PTPRT: variants seen among roughly 807,000 people sequenced by gnomAD.
PTPRT encodes the protein receptor-type tyrosine-protein phosphatase T.
Under a neutral mutation model 176.8 loss-of-function variants are expected in PTPRT, and 56 were observed. The ratio of observed to expected loss-of-function variants is 0.32; its 90% CI spans 0.26 to 0.40. The LOEUF is 0.40. Ranked by LOEUF, PTPRT falls within the 10% of genes least tolerant of loss-of-function variation. The pLI is 1.00. For missense variants in PTPRT, 1,540 were observed against 1,908.2 expected (o/e 0.81, Z 3.60); for synonymous variants, 783 against 739.0 (o/e 1.06, Z -0.96).
At chr20:42,268,787 G>A (rs1457727278) in intron 13 of PTPRT, among the ~76,000 whole-genome samples, 1 of 152,208 alleles carries the variant, frequency 6.6e-6, no homozygotes, top group Non-Finnish European at 1.5e-5. Flanking sequence ...AGGTGTCCAT[G>A]GCAGTACAAA....
intron 7 of PTPRT, among the ~76,000 whole-genome samples, chr20:42,583,722 A>ATTCTATT (rs1210273393): frequency 1.3e-5 from 2 of 152,230 alleles, no homozygotes; most frequent in African/African-American, 4.8e-5. Flanking sequence ...ATATTCTATT[A>ATTCTATT]TGTAAATGTA....
At chr20:42,551,070 A>G (rs1286839022) in intron 7 of PTPRT, among the ~76,000 whole-genome samples, 1 of 152,136 alleles carries the variant, frequency 6.6e-6, no homozygotes, top group African/African-American at 2.4e-5. Context: ...TTCTTCATGC[A>G]TTGTTTTTCA....
At chr20:42,089,253 A>G (rs1984358635) in intron 27 of PTPRT, among the ~76,000 whole-genome samples, 1 of 152,110 alleles carries the variant, frequency 6.6e-6, no homozygotes, top group Non-Finnish European at 1.5e-5. Context: ...CCGCCTTGCA[A>G]CCTTCACAGT....
intron 7 of PTPRT, among the ~76,000 whole-genome samples, chr20:42,620,109 A>G (rs1021807368): frequency 6.8e-6 from 1 of 146,082 alleles, no homozygotes; most frequent in Non-Finnish European, 1.5e-5. Flanking sequence ...TGATGTACAG[A>G]TGGGTTTTCG....
intron 2 of PTPRT, among the ~76,000 whole-genome samples, chr20:42,806,419 G>A (rs138980172): frequency 1.5e-4 from 22 of 151,552 alleles, no homozygotes; most frequent in Admixed American, 4.6e-4. Context: ...AGGAGGCGGA[G>A]GTTGCAGTGA....
chr20:42,183,863 C>A (rs1339863626), intron 16 of PTPRT, among the ~76,000 whole-genome samples: 1 of 152,156 alleles, frequency 6.6e-6, no homozygotes, highest in Non-Finnish European at 1.5e-5. Flanking sequence ...TTTCTCCTGG[C>A]TTTCTCAAAC....
At chr20:42,768,511 T>C (rs1049701096) in intron 5 of PTPRT, among the ~76,000 whole-genome samples, 1 of 152,260 alleles carries the variant, frequency 6.6e-6, no homozygotes, top group Non-Finnish European at 1.5e-5. Context: ...AGAATTTTCC[T>C]GAGCAATTGG....
chr20:42,083,773 C>A (rs757184313), intron 29 of PTPRT, among the ~76,000 whole-genome samples: 1 of 152,136 alleles, frequency 6.6e-6, no homozygotes, highest in Non-Finnish European at 1.5e-5. Context: ...AAGAGAGAGG[C>A]CTTCTCAATG....
intron 7 of PTPRT, among the ~76,000 whole-genome samples, chr20:42,651,093 T>C (rs946368041): frequency 9.2e-5 from 14 of 152,202 alleles, no homozygotes; most frequent in African/African-American, 3.4e-4. Flanking sequence ...TATATCTGAA[T>C]GGTGTCAGAT....
At chr20:42,399,188 C>T (rs1242634975) in intron 9 of PTPRT, among the ~76,000 whole-genome samples, 4 of 152,204 alleles carry the variant, frequency 2.6e-5, no homozygotes, top group East Asian at 1.9e-4. Context: ...ACTTAGGCTC[C>T]GCCTCTTGCT....
chr20:42,990,309 C>G (rs1412915281), intron 1 of PTPRT, among the ~76,000 whole-genome samples: 1 of 151,800 alleles, frequency 6.6e-6, no homozygotes, highest in Non-Finnish European at 1.5e-5. Context: ...TTGCCAACCT[C>G]TGATTTAGAT....
chr20:43,102,295 C>CACACAT (rs2012423689), intron 1 of PTPRT, among the ~76,000 whole-genome samples: 1 of 150,966 alleles, frequency 6.6e-6, no homozygotes, highest in Admixed American at 6.6e-5. Flanking sequence ...CACACACACA[C>CACACAT]ACACACACAC....
At chr20:42,986,164 C>T (rs1167898763) in intron 1 of PTPRT, among the ~76,000 whole-genome samples, 1 of 152,182 alleles carries the variant, frequency 6.6e-6, no homozygotes, top group African/African-American at 2.4e-5. Flanking sequence ...GACACTATGC[C>T]AACGAATATG....
At position 42,114,728 on chromosome 20, in the gene PTPRT, G is replaced by A. The variant is rs78983869; in HGVS notation, c.3099+471C>T. ...CAGACATTTACAAATATTCCTTGGG[G>A]GATCAAAATGCCCCCGGTTGAGACC... On this transcript the variant is annotated intron_variant, in intron 22 of 30. Transcript: ENST00000373187. Among the ~76,000 whole-genome samples, 373 of 152,254 alleles carry A rather than the reference G, an allele frequency of 2.4e-3. 1 individual carries two copies. The highest frequency in any genetic ancestry group is 4.7e-3 in the Non-Finnish European group (320 of 68,018).
chr20:42,199,117 T>C (rs1991346205), intron 16 of PTPRT, 123 bp downstream of exon 16: 1 of 1,171,784 alleles, frequency 8.5e-7, no homozygotes, highest in Non-Finnish European at 1.2e-6. Flanking sequence ...TCCCAGTCCA[T>C]ATCAGGCAAG....
intron 15 of PTPRT, among the ~76,000 whole-genome samples, chr20:42,201,039 G>A (rs1044026348): frequency 6.6e-6 from 1 of 152,236 alleles, no homozygotes; most frequent in African/African-American, 2.4e-5. Context: ...CTTAGGCTGG[G>A]AACAGTGGCT....
At chr20:42,771,592 A>C (rs1263013787) in intron 4 of PTPRT, 42 bp from the exon 5 acceptor site, 2 of 1,516,620 alleles carry the variant, frequency 1.3e-6, no homozygotes, top group Non-Finnish European at 1.8e-6. Flanking sequence ...GAGATTCGAC[A>C]GCCTGCACCA....
At chr20:42,121,144 T>C (rs1324954344) in intron 19 of PTPRT, among the ~76,000 whole-genome samples, 1 of 152,210 alleles carries the variant, frequency 6.6e-6, no homozygotes, top group Non-Finnish European at 1.5e-5. Context: ...CACTTTCTGA[T>C]ACAAAGACAA....
At chr20:42,827,921 C>G (rs576271486) in intron 2 of PTPRT, among the ~76,000 whole-genome samples, 2 of 152,338 alleles carry the variant, frequency 1.3e-5, no homozygotes, top group Non-Finnish European at 2.9e-5. Context: ...ATAAATTACC[C>G]AGTCTCTTGT....
Sources: gnomAD v4.1 joint callset for allele counts (sites outside exome capture counted in the v4.1 genomes callset) on GRCh38, gnomAD v4.1.1 for gene constraint, MANE v1.5 for transcripts, NCBI Gene and HGNC (gene_info 2026-07-23, HGNC 2026-07-21) for gene names.